The following GPATCH8 variants were observed in gnomAD, a reference collection of about 807,000 sequenced individuals.
GPATCH8 encodes the protein G-patch domain containing 8, also known as G patch domain-containing protein 8.
GPATCH8 carries 18 observed loss-of-function variants against 118.3 expected under a neutral mutation model. The ratio of observed to expected loss-of-function variants is 0.15; its 90% CI spans 0.11 to 0.23. GPATCH8 has a LOEUF of 0.23. Ranked by LOEUF, GPATCH8 falls within the 10% of genes least tolerant of loss-of-function variation. GPATCH8 has a pLI of 1.00. For synonymous variants in GPATCH8, 659 were observed against 684.7 expected (o/e 0.96, Z 0.59); for missense variants, 1,631 against 1,873.8 (o/e 0.87, Z 2.39).
intron 3 of GPATCH8, among the ~76,000 whole-genome samples, chr17:44,462,177 A>C (rs1452646385): frequency 6.6e-6 from 1 of 152,114 alleles, no homozygotes; most frequent in Non-Finnish European, 1.5e-5. Context: ...CTGGGATTCA[A>C]ACAGATTTGC....
chr17:44,427,095 A>G lies in GPATCH8; in HGVS notation c.349-2603T>C, dbSNP rs1351322667. ...TTAATATTACTATTTTTTTTTTTTG[A>G]GACAGCGTCTTGCTCTATTGGCCAG... is the stretch of plus-strand genomic sequence containing the variant. On this transcript the variant is annotated intron_variant, in intron 5 of 7. Transcript: ENST00000591680. Among the ~76,000 whole-genome samples the G allele has an allele frequency of 2.0e-5, 3 of 148,164 alleles. 1 individual carries two copies. Among genetic ancestry groups the G allele is most frequent in the Non-Finnish European group, 4.5e-5 (3 of 67,242 alleles).
At chr17:44,401,727 G>C (rs2049029639) in intron 7 of GPATCH8, among the ~76,000 whole-genome samples, 1 of 152,062 alleles carries the variant, frequency 6.6e-6, no homozygotes, top group Non-Finnish European at 1.5e-5. Context: ...CAAAAAGCTG[G>C]GTGTGGTGGC....
rs2050295126 is a variant in GPATCH8, at chr17:44,431,104, C to T, written c.348+3961G>A. On this transcript the variant is annotated intron_variant, in intron 5 of 7. Coordinates refer to ENST00000591680, the MANE Select transcript of GPATCH8 (RefSeq NM_001002909.4). ...ATTGTGAGGGGGCCAGGCACAGTGG[C>T]TCACGCCTGTAATCCCAGCATTTTG... is the stretch of plus-strand genomic sequence containing the variant. 2.0e-5 allele frequency among the ~76,000 whole-genome samples: 3 copies of T among 151,920 alleles called. No homozygotes were observed. In the South Asian group the frequency reaches 6.2e-4, roughly 32 times the overall value.
intron 1 of GPATCH8, among the ~76,000 whole-genome samples, chr17:44,476,669 T>A (rs1967808291): frequency 6.6e-6 from 1 of 152,190 alleles, no homozygotes; most frequent in Non-Finnish European, 1.5e-5. Context: ...AACTGATACC[T>A]CCCGGCTTTT....
intron 3 of GPATCH8, among the ~76,000 whole-genome samples, chr17:44,462,897 C>T (rs1398399146): frequency 2.0e-5 from 3 of 151,926 alleles, no homozygotes; most frequent in African/African-American, 7.3e-5. Flanking sequence ...AGGAGAATGG[C>T]GTGAACCCGG....
At chr17:44,477,016 C>T (rs1416598211) in intron 1 of GPATCH8, among the ~76,000 whole-genome samples, 1 of 152,152 alleles carries the variant, frequency 6.6e-6, no homozygotes, top group Non-Finnish European at 1.5e-5. Flanking sequence ...AATCAAAAGA[C>T]TAAAGACTTC....
At chr17:44,407,562 T>C (rs1179725554) in intron 6 of GPATCH8, among the ~76,000 whole-genome samples, 5 of 152,202 alleles carry the variant, frequency 3.3e-5, no homozygotes, top group Non-Finnish European at 1.5e-5. Context: ...AAGACCATTA[T>C]GGTATTAAAA....
intron 1 of GPATCH8, among the ~76,000 whole-genome samples, chr17:44,482,573 C>CA (rs376299230): frequency 1.5e-3 from 145 of 96,962 alleles, no homozygotes; most frequent in South Asian, 6.2e-3. Flanking sequence ...GACTCCATCT[C>CA]AAAAAAAAAA....
At position 44,399,646 on chromosome 17, in the gene GPATCH8, T is replaced by C; in HGVS notation, c.2431A>G (p.Ser811Gly). The C allele has an allele frequency of 6.2e-7, 1 of 1,614,206 alleles. No individual in the cohort carries two copies. The highest frequency in any genetic ancestry group is 8.5e-7 in the Non-Finnish European group (1 of 1,180,026). Residue 811 changes from serine to glycine, a missense_variant, in exon 8 of 8, where the codon AGC (serine) becomes GGC (glycine). Ser to Gly is a moderately conservative substitution (Grantham distance 56). Coordinates refer to ENST00000591680, the MANE Select transcript of GPATCH8 (RefSeq NM_001002909.4). ...TCCTCATCTCCACTACTGGGTTGGC[T>C]CCGATGGCTAGACCGGCTGCTCCGT... ...TKRSSRSSHRSQPSSGDEDSD... is the reference protein window; with the variant it reads ...TKRSSRSSHRGQPSSGDEDSD...
At chr17:44,470,958 T>C (rs1438290331) in intron 2 of GPATCH8, among the ~76,000 whole-genome samples, 1 of 152,256 alleles carries the variant, frequency 6.6e-6, no homozygotes, top group Non-Finnish European at 1.5e-5. Flanking sequence ...GTGGAGGTTA[T>C]AATTATAACA....
intron 6 of GPATCH8, among the ~76,000 whole-genome samples, chr17:44,416,079 T>C (rs550221507): frequency 9.3e-4 from 141 of 152,352 alleles, no homozygotes; most frequent in Middle Eastern, 3.4e-3. Context: ...ATTGGCTCAC[T>C]GCAACCTCTG....
chr17:44,455,881 G>A (rs1321575373), intron 3 of GPATCH8, among the ~76,000 whole-genome samples: 5 of 151,504 alleles, frequency 3.3e-5, no homozygotes, highest in Non-Finnish European at 7.4e-5. Context: ...CCGAGTAGCT[G>A]GGATTACAGG....
intron 3 of GPATCH8, 186 bp from the exon 4 acceptor site, chr17:44,436,731 T>G: frequency 1.6e-6 from 1 of 616,732 alleles, no homozygotes; most frequent in Non-Finnish European, 2.9e-6. Context: ...TAAACCCAAT[T>G]AACCACCTTG....
rs117402937 is a variant in GPATCH8 at position 44,460,345 on chromosome 17, T to C, written c.193+4127A>G. Among the ~76,000 whole-genome samples, 525 of 152,294 alleles carry C rather than the reference T, an allele frequency of 3.4e-3. 4 individuals carry two copies. The highest frequency in any genetic ancestry group is 6.9e-3 in the Admixed American group (105 of 15,298). The stretch of plus-strand genomic sequence containing the variant: ...TTAATACTAATAATTATCGGCCATA[T>C]ATAATAACTTTTTTAAAATTTCTGA... On this transcript the variant is annotated intron_variant, in intron 3 of 7. Transcript: ENST00000591680.
rs777585181 is a variant in GPATCH8 at position 44,398,709 on chromosome 17, A to G, written c.3368T>C (p.Leu1123Pro). The G allele has an allele frequency of 6.2e-7, 1 of 1,601,326 alleles. No individual in the cohort carries two copies. Among genetic ancestry groups the G allele is most frequent in the South Asian group, 1.1e-5 (1 of 89,194 alleles). ...AAAGTAACCTTGTGGGGGGTCCTTG[A>G]GCTTGGGCCCAGCTTTATTAGGGGT... ...QATPNKAGPK[L>P]KDPPQGYFGP... The change falls in exon 8 of 8, where the codon CTC becomes CCC. Residue 1123 changes from leucine to proline, a missense_variant. Coordinates refer to ENST00000591680, the MANE Select transcript of GPATCH8 (RefSeq NM_001002909.4).
chr17:44,468,373 C>CTTG (rs1966977434), intron 2 of GPATCH8, among the ~76,000 whole-genome samples: 1 of 100,014 alleles, frequency 1.0e-5, no homozygotes, highest in South Asian at 3.5e-4. Context: ...TTCTTTGTTC[C>CTTG]TTTTTTTTTT....
intron 6 of GPATCH8, among the ~76,000 whole-genome samples, chr17:44,415,292 G>A (rs1026803598): frequency 6.6e-6 from 1 of 152,166 alleles, no homozygotes; most frequent in Non-Finnish European, 1.5e-5. Context: ...TGTAGATAAT[G>A]AGCTTTAAGT....
intron 3 of GPATCH8, among the ~76,000 whole-genome samples, chr17:44,442,453 T>C (rs1426652613): frequency 3.3e-5 from 5 of 152,084 alleles, no homozygotes; most frequent in Non-Finnish European, 7.4e-5. Context: ...ATAAAAGCCA[T>C]CAAAAAGTCA....
intron 1 of GPATCH8, among the ~76,000 whole-genome samples, chr17:44,483,061 C>A (rs562650278): frequency 4.4e-5 from 6 of 137,500 alleles, no homozygotes; most frequent in Non-Finnish European, 9.3e-5. Flanking sequence ...GAGGCTGAGG[C>A]AGGAGAATGG....
Sources: gnomAD v4.1 joint callset for allele counts (sites outside exome capture counted in the v4.1 genomes callset) on GRCh38, gnomAD v4.1.1 for gene constraint, MANE v1.5 for transcripts, NCBI Gene and HGNC (gene_info 2026-07-23, HGNC 2026-07-21) for gene names.